The following ZNF732 variants were observed in gnomAD, a reference collection of about 807,000 sequenced individuals.
The protein encoded by ZNF732 is zinc finger protein 732.
Under a neutral mutation model 11.5 loss-of-function variants are expected in ZNF732, and 12 were observed. That is an observed-to-expected ratio of 1.05 (90% CI 0.67 to 1.70). The LOEUF is 1.70. ZNF732 is among the 40% of genes most tolerant of loss of function. The probability of loss-of-function intolerance (pLI) is 0.00; values close to 1 mark genes in which losing one functional copy is unlikely to be tolerated. For missense variants in ZNF732, 702 were observed against 676.9 expected, an observed-to-expected ratio of 1.04 and a Z score of -0.41; for synonymous variants, 231 against 236.5, an observed-to-expected ratio of 0.98 and a Z score of 0.21.
chr4:281,154 A>T (rs77762064), intron 3 of ZNF732, among the ~76,000 whole-genome samples: 22,091 of 152,144 alleles, frequency 0.15, 2,046 homozygotes, highest in Admixed American at 0.25. Flanking sequence ...CTTTATTCCC[A>T]CTGTGAATTG....
chr4:272,049 T>C lies in ZNF732; in HGVS notation c.808A>G (p.Arg270Gly), dbSNP rs782814915. The change falls in exon 4 of 4, where the codon AGA (arginine) becomes GGA (glycine). Residue 270 changes from arginine to glycine, a missense_variant. By Grantham distance (125) the Arg-to-Gly change is moderately radical (BLOSUM62 -2). Transcript: ENST00000419098. ...AAGGGTTTCTCTTCAGCATGAATTC[T>C]CTTATGCTTAGTAAGGGTTGAGGAC... is the stretch of plus-strand genomic sequence containing the variant. ...NRSSTLTKHK[R>G]IHAEEKPFTC... 1.2e-6 allele frequency: 2 copies of C among 1,611,116 alleles called. No individual in the cohort carries two copies. The highest frequency in any genetic ancestry group is 1.7e-6 in the Non-Finnish European group (2 of 1,178,568).
At position 272,358 on chromosome 4, in the gene ZNF732, T is replaced by C. The variant is rs202099832; in HGVS notation, c.499A>G (p.Lys167Glu). 6.7e-4 allele frequency: 1,084 copies of C among 1,607,182 alleles called. 2 individuals are homozygous for C. The highest frequency in any genetic ancestry group is 5.6e-3 in the Middle Eastern group (34 of 6,048). ...NQRRIRHTGE[K>E]HFKECGKSFQ... ...GACTTGCCACATTCTTTAAAGTGTT[T>C]CTCTCCAGTATGTCTTATCCTACGT... Residue 167 changes from lysine (K) to glutamate (E), a missense_variant, in exon 4 of 4, where the codon AAA becomes GAA. Lys to Glu is a moderately conservative substitution (Grantham distance 56, BLOSUM62 1). Transcript: ENST00000419098.
intron 3 of ZNF732, among the ~76,000 whole-genome samples, chr4:291,621 C>T (rs1040989419): frequency 2.6e-5 from 4 of 152,072 alleles, no homozygotes. Flanking sequence ...ATCAGGATAA[C>T]AGATATTGTC....
intron 3 of ZNF732, among the ~76,000 whole-genome samples, chr4:295,112 C>A (rs934371623): frequency 2.0e-5 from 3 of 152,184 alleles, no homozygotes; most frequent in Non-Finnish European, 4.4e-5. Context: ...AATACACTGA[C>A]ATAGAGCTCC....
At chr4:299,430 T>TATGTGTATATATATACACATATATACAC (rs1720044503) in intron 1 of ZNF732, among the ~76,000 whole-genome samples, 2 of 77,776 alleles carry the variant, frequency 2.6e-5, no homozygotes, top group Non-Finnish European at 4.6e-5. Context: ...TATATACACA[T>TATGTGTATATATATACACATATATACAC]ATGTGTATAT....
intron 1 of ZNF732, among the ~76,000 whole-genome samples, chr4:301,949 G>C (rs1194381610): frequency 6.6e-6 from 1 of 152,190 alleles, no homozygotes; most frequent in Non-Finnish European, 1.5e-5. Flanking sequence ...TTGGGATTAT[G>C]GGCCCCATGA....
At chr4:284,896 A>C (rs1719699956) in intron 3 of ZNF732, among the ~76,000 whole-genome samples, 1 of 150,066 alleles carries the variant, frequency 6.7e-6, no homozygotes, top group African/African-American at 2.4e-5. Flanking sequence ...AAAAAAAAGA[A>C]GAAGAAAAAG....
chr4:289,156 T>G (rs1324379856), intron 3 of ZNF732, among the ~76,000 whole-genome samples: 3 of 152,188 alleles, frequency 2.0e-5, no homozygotes, highest in Non-Finnish European at 1.5e-5. Flanking sequence ...TTTTAGAAAA[T>G]GAGATCTCTT....
At chr4:288,675 C>A (rs1360684599) in intron 3 of ZNF732, among the ~76,000 whole-genome samples, 1 of 152,154 alleles carries the variant, frequency 6.6e-6, no homozygotes, top group Non-Finnish European at 1.5e-5. Context: ...AAGTGTTGTG[C>A]CTCTAGCTTT....
At chr4:285,832 C>G (rs1553840537) in intron 3 of ZNF732, among the ~76,000 whole-genome samples, 1 of 152,214 alleles carries the variant, frequency 6.6e-6, no homozygotes, top group Non-Finnish European at 1.5e-5. Context: ...CTCAACCTCC[C>G]AGGGTTCAAG....
intron 3 of ZNF732, among the ~76,000 whole-genome samples, chr4:291,253 G>C (rs782046572): frequency 1.6e-4 from 24 of 152,142 alleles, no homozygotes; most frequent in Non-Finnish European, 2.9e-4. Flanking sequence ...GTAGTTTCTT[G>C]GTTTGTGTTT....
At chr4:277,656 G>A (rs576412096) in intron 3 of ZNF732, among the ~76,000 whole-genome samples, 1 of 151,946 alleles carries the variant, frequency 6.6e-6, no homozygotes, top group African/African-American at 2.4e-5. Flanking sequence ...AAAACTGTAA[G>A]TTAGTAGAGC....
Position 305,418 on chromosome 4 carries a change from G to C in ZNF732, c.-108C>G. The C allele has an allele frequency of 1.3e-6, 2 of 1,521,858 alleles. No homozygotes were observed. Among genetic ancestry groups the C allele is most frequent in the Non-Finnish European group, 9.0e-7 (1 of 1,114,464 alleles). The allele number at this position is 1,521,858 out of a possible 1,614,324, so 94.3% of individuals were successfully genotyped here. ...GTGACCGAATCACCGACGCCTCCCT[G>C]AGGGGTGAAAGCACGGCCGTGGAGA... On this transcript the variant is annotated 5_prime_UTR_variant, in exon 1 of 4. Coordinates refer to ENST00000419098, the MANE Select transcript of ZNF732 (RefSeq NM_001137608.3).
At chr4:287,669 G>A (rs574788607) in intron 3 of ZNF732, among the ~76,000 whole-genome samples, 7 of 151,472 alleles carry the variant, frequency 4.6e-5, no homozygotes, top group Admixed American at 1.3e-4. Context: ...TTGAGATGGA[G>A]TCTCGCTCTG....
At chr4:283,949 C>T (rs191233928) in intron 3 of ZNF732, among the ~76,000 whole-genome samples, 7 of 152,140 alleles carry the variant, frequency 4.6e-5, no homozygotes, top group Admixed American at 3.9e-4. Context: ...CTTGCTCTGT[C>T]GCCCAGGCTG....
At chr4:285,914 C>T (rs1719720385) in intron 3 of ZNF732, among the ~76,000 whole-genome samples, 1 of 152,130 alleles carries the variant, frequency 6.6e-6, no homozygotes, top group Non-Finnish European at 1.5e-5. Flanking sequence ...TAATGTTTAT[C>T]TATTTTTTGG....
At chr4:298,969 T>C (rs538583111) in intron 1 of ZNF732, among the ~76,000 whole-genome samples, 3 of 152,286 alleles carry the variant, frequency 2.0e-5, no homozygotes, top group African/African-American at 7.2e-5. Flanking sequence ...GGACAAGATC[T>C]GGAAAACTCA....
At chr4:290,855 C>A (rs1261714741) in intron 3 of ZNF732, among the ~76,000 whole-genome samples, 1 of 152,158 alleles carries the variant, frequency 6.6e-6, no homozygotes, top group Admixed American at 6.5e-5. Flanking sequence ...CTCTGCAAAC[C>A]CAGAGGTAGT....
intron 1 of ZNF732, among the ~76,000 whole-genome samples, chr4:300,854 G>A (rs1720101915): frequency 6.6e-6 from 1 of 152,144 alleles, no homozygotes; most frequent in Admixed American, 6.5e-5. Context: ...GGCAACAAAA[G>A]CCAAAATTGA....
Sources: gnomAD v4.1 joint callset for allele counts (sites outside exome capture counted in the v4.1 genomes callset) on GRCh38, gnomAD v4.1.1 for gene constraint, MANE v1.5 for transcripts, NCBI Gene and HGNC (gene_info 2026-07-23, HGNC 2026-07-21) for gene names.